The following SUPT16H variants were observed in gnomAD, a reference collection of about 807,000 sequenced individuals.
SUPT16H encodes the protein SPT16 homolog, facilitates chromatin remodeling subunit.
Under a neutral mutation model 136.2 loss-of-function variants are expected in SUPT16H, and 24 were observed. The ratio of observed to expected loss-of-function variants is 0.18; its 90% CI spans 0.13 to 0.25. The LOEUF (loss-of-function observed/expected upper bound fraction) is 0.25. Ranked by LOEUF, SUPT16H falls within the 10% of genes least tolerant of loss-of-function variation. SUPT16H has a pLI of 1.00. For missense variants in SUPT16H, 623 were observed against 1,270.2 expected, an observed-to-expected ratio of 0.49 and a Z score of 7.74; for synonymous variants, 415 against 428.2, an observed-to-expected ratio of 0.97 and a Z score of 0.38.
intron 5 of SUPT16H, 180 bp downstream of exon 5, chr14:21,369,570 T>C: frequency 1.0e-6 from 1 of 977,268 alleles, no homozygotes; most frequent in Non-Finnish European, 1.5e-6. Context: ...AATAATGGGT[T>C]ACCTCAAGAA....
chr14:21,366,315 A>G (rs1886664852), intron 8 of SUPT16H, 124 bp downstream of exon 8: 1 of 859,178 alleles, frequency 1.2e-6, no homozygotes, highest in Non-Finnish European at 1.9e-6. Context: ...TGCCTGGCAC[A>G]TAGTATAGTT....
intron 10 of SUPT16H, among the ~76,000 whole-genome samples, chr14:21,364,576 C>A (rs1249646644): frequency 1.3e-5 from 2 of 152,090 alleles, no homozygotes; most frequent in African/African-American, 4.8e-5. Flanking sequence ...TAACCGGTTT[C>A]ATTATTAGTA....
intron 23 of SUPT16H, 57 bp downstream of exon 23, chr14:21,354,354 G>T: frequency 1.9e-6 from 3 of 1,598,884 alleles, no homozygotes; most frequent in South Asian, 2.3e-5. Context: ...CATTCTAACT[G>T]ACCAAATGAT....
intron 2 of SUPT16H, chr14:21,372,489 G>C (rs942282743): frequency 3.4e-5 from 11 of 323,472 alleles, no homozygotes; most frequent in African/African-American, 2.2e-4. Context: ...GGTAAGTATG[G>C]TCATTAGGAT....
intron 1 of SUPT16H, among the ~76,000 whole-genome samples, chr14:21,375,869 A>G (rs1389551675): frequency 1.3e-5 from 2 of 152,240 alleles, no homozygotes; most frequent in Admixed American, 1.3e-4. Flanking sequence ...CTAGGATCAC[A>G]GGTGTGAGCC....
chr14:21,357,674 CTA>C (rs1281584291), intron 21 of SUPT16H, among the ~76,000 whole-genome samples: 1 of 152,010 alleles, frequency 6.6e-6, no homozygotes, highest in Admixed American at 6.5e-5. Context: ...TAGGTTCTTG[CTA>C]TGTTGCCCAG....
intron 19 of SUPT16H, 87 bp downstream of exon 19, chr14:21,359,397 G>A: frequency 1.3e-6 from 2 of 1,545,612 alleles, no homozygotes; most frequent in East Asian, 2.3e-5. Flanking sequence ...CGCCAGCCCA[G>A]TTTGTTTATA....
chr14:21,360,731 T>C, intron 17 of SUPT16H, 115 bp downstream of exon 17: 2 of 1,462,584 alleles, frequency 1.4e-6, no homozygotes, highest in South Asian at 2.7e-5. Flanking sequence ...CACCATGCTT[T>C]AACCAACTGA....
At chr14:21,361,945 A>G (rs914334971) in intron 15 of SUPT16H, among the ~76,000 whole-genome samples, 2 of 152,088 alleles carry the variant, frequency 1.3e-5, no homozygotes, top group Admixed American at 6.6e-5. Context: ...TATTTTTTAG[A>G]AGAGACAAGG....
chr14:21,368,445 G>C lies in SUPT16H; in HGVS notation c.783-4C>G. 1.3e-6 allele frequency: 2 copies of C among 1,590,182 alleles called. No individual in the cohort carries two copies. Among genetic ancestry groups the C allele is most frequent in the Middle Eastern group, 1.7e-4 (1 of 5,944 alleles). The stretch of plus-strand genomic sequence containing the variant: ...AAAGTGCATATGATTCTTGTCACTA[G>C]AGACCAACAAAGAAAGAAAACATTT... On this transcript the variant is annotated splice_polypyrimidine_tract_variant and splice_region_variant and intron_variant, in intron 6 of 25. Coordinates refer to ENST00000216297, the MANE Select transcript of SUPT16H (RefSeq NM_007192.4).
In SUPT16H at chr14:21,368,562, A is replaced by G. The variant is rs139362610; in HGVS notation, c.783-121T>C. ...TGCCATATCCCAAAGCTGTGGCTGA[A>G]TAAGGACCTAAACTTTTTTGTGTTT... On this transcript the variant is annotated intron_variant, in intron 6 of 25. Coordinates refer to ENST00000216297, the MANE Select transcript of SUPT16H (RefSeq NM_007192.4). The G allele has an allele frequency of 1.1e-4, 122 of 1,108,020 alleles. 1 individual carries two copies. The East Asian group carries it at 3.0e-3, about 27-fold the overall frequency. 68.6% of individuals were successfully genotyped at this position (1,108,020 alleles called of 1,614,324 possible).
intron 1 of SUPT16H, among the ~76,000 whole-genome samples, chr14:21,381,925 T>C (rs1056557198): frequency 8.6e-5 from 13 of 152,014 alleles, no homozygotes; most frequent in African/African-American, 2.7e-4. Context: ...CTTCAACTTA[T>C]TCTATTTCAA....
chr14:21,369,450 AT>A (rs1191650003), intron 5 of SUPT16H, 95 bp from the exon 6 acceptor site: 58 of 1,504,672 alleles, frequency 3.9e-5, no homozygotes, highest in Non-Finnish European at 4.9e-5. Context: ...GTATCCTTGT[AT>A]AAGTCTTAGG....
At chr14:21,372,740 T>C (rs1193417339) in intron 2 of SUPT16H, 1 of 427,270 alleles carries the variant, frequency 2.3e-6, no homozygotes, top group Admixed American at 3.1e-5. Flanking sequence ...AAAAGAATAT[T>C]TTGTTTAACT....
chr14:21,354,396 C>T lies in SUPT16H; in HGVS notation c.2790+15G>A. The T allele has an allele frequency of 6.2e-7, 1 of 1,612,848 alleles. No homozygotes were observed. The highest frequency in any genetic ancestry group is 8.5e-7 in the Non-Finnish European group (1 of 1,179,396). ...CAACACTGTGTACCAGAAAAGAAAC[C>T]CCACACTCACGCACCTCACCCTCAG... On this transcript the variant is annotated intron_variant, in intron 23 of 25. Transcript: ENST00000216297.
chr14:21,360,303 TG>T, intron 18 of SUPT16H, 111 bp downstream of exon 18: 1 of 790,086 alleles, frequency 1.3e-6, no homozygotes, highest in Non-Finnish European at 2.0e-6. Flanking sequence ...GCTGGGATTG[TG>T]GGCATGAGCC....
chr14:21,362,513 A>T (rs1047133736), intron 14 of SUPT16H, among the ~76,000 whole-genome samples, 189 bp from the exon 15 acceptor site: 2 of 152,232 alleles, frequency 1.3e-5, no homozygotes, highest in Non-Finnish European at 2.9e-5. Flanking sequence ...CTGAATTCTC[A>T]AAGTACCTTG....
chr14:21,378,026 T>C (rs1886940864), intron 1 of SUPT16H, among the ~76,000 whole-genome samples: 1 of 152,150 alleles, frequency 6.6e-6, no homozygotes, highest in Admixed American at 6.5e-5. Flanking sequence ...GTCCCGAGGT[T>C]CAACAGGCCT....
chr14:21,368,188 A>T, intron 7 of SUPT16H, 81 bp downstream of exon 7: 1 of 1,453,564 alleles, frequency 6.9e-7, no homozygotes, highest in Non-Finnish European at 9.4e-7. Context: ...CAGTGTAGGG[A>T]TTACAGGTGT....
Sources: gnomAD v4.1 joint callset for allele counts (sites outside exome capture counted in the v4.1 genomes callset) on GRCh38, gnomAD v4.1.1 for gene constraint, MANE v1.5 for transcripts, NCBI Gene and HGNC (gene_info 2026-07-23, HGNC 2026-07-21) for gene names.